The following DISC1 variants were observed in gnomAD, a reference collection of about 807,000 sequenced individuals.
DISC1 encodes disrupted in schizophrenia 1 protein.
In DISC1, 57 loss-of-function variants were observed where a neutral mutation model predicts 84.5. The ratio of observed to expected loss-of-function variants is 0.67; its 90% CI spans 0.55 to 0.84. DISC1 has a LOEUF of 0.84. Among genes scored for constraint, DISC1 ranks in the 40% least tolerant of loss-of-function variants. DISC1 has a pLI of 0.00. For synonymous variants in DISC1, 411 were observed against 415.2 expected (o/e 0.99, Z 0.12); for missense variants, 1,000 against 1,057.8 (o/e 0.95, Z 0.76).
At chr1:231,716,316 CAAA>C (rs397861600) in intron 3 of DISC1, among the ~76,000 whole-genome samples, 186 of 82,714 alleles carry the variant, frequency 2.2e-3, no homozygotes, top group East Asian at 0.011. Flanking sequence ...TTTCAATCTG[CAAA>C]AAAAAAAAAA....
At chr1:231,871,711 T>C (rs1233739450) in intron 9 of DISC1, among the ~76,000 whole-genome samples, 1 of 152,208 alleles carries the variant, frequency 6.6e-6, no homozygotes, top group Admixed American at 6.5e-5. Flanking sequence ...AGTGTGATTT[T>C]CCAGCAGTCT....
In DISC1 at chr1:231,968,618, A is replaced by T. The variant is rs1661449510; in HGVS notation, c.2042+9730A>T. On this transcript the variant is annotated intron_variant, in intron 10 of 12. Transcript: ENST00000439617. ...AAAAAAAAAAAAAAAAAGCAAAAACAAAAACAAAAAGCCCTCTCACACACA... is the reference window on the plus strand; with the variant it reads ...AAAAAAAAAAAAAAAAAGCAAAAACTAAAACAAAAAGCCCTCTCACACACA... Among the ~76,000 whole-genome samples, 10 of 151,506 alleles carry T rather than the reference A, an allele frequency of 6.6e-5. No individual in the cohort carries two copies. In the South Asian group the frequency reaches 2.1e-3, roughly 32 times the overall value.
intron 12 of DISC1, among the ~76,000 whole-genome samples, chr1:232,030,201 T>G (rs573260713): frequency 1.5e-4 from 23 of 152,342 alleles, no homozygotes; most frequent in Middle Eastern, 3.4e-3. Context: ...GAGTCTCTAG[T>G]GCATTTTCAC....
intron 3 of DISC1, among the ~76,000 whole-genome samples, chr1:231,720,276 G>A (rs547334176): frequency 1.3e-5 from 2 of 152,202 alleles, no homozygotes; most frequent in African/African-American, 4.8e-5. Flanking sequence ...TTCTGTCTTT[G>A]TAAGCTGTCT....
At position 231,848,894 on chromosome 1, in the gene DISC1, A is replaced by G. The variant is rs112204731; in HGVS notation, c.1981+30377A>G. Reference sequence around the variant, plus strand: ...GGATTACATTATATTCATACTCTGCAGTGTCTTGCACATAGAGGCCTTACT... The same window carrying G: ...GGATTACATTATATTCATACTCTGCGGTGTCTTGCACATAGAGGCCTTACT... On this transcript the variant is annotated intron_variant, in intron 9 of 12. Transcript: ENST00000439617. 7.1e-3 allele frequency among the ~76,000 whole-genome samples: 1,080 copies of G among 152,230 alleles called. 14 individuals carry two copies. The highest frequency in any genetic ancestry group is 0.024 in the African/African-American group (1,014 of 41,536).
intron 1 of DISC1, among the ~76,000 whole-genome samples, chr1:231,685,587 G>C (rs2064169704): frequency 6.6e-6 from 1 of 152,086 alleles, no homozygotes; most frequent in African/African-American, 2.4e-5. Flanking sequence ...CGAGTAGCTG[G>C]GACTGTAGGC....
At chr1:231,940,832 T>A (rs2091284895) in intron 9 of DISC1, 1 of 152,268 alleles carries the variant, frequency 6.6e-6, no homozygotes. Flanking sequence ...CATTTGCTGC[T>A]CCATGACGTT....
In DISC1 at chr1:231,657,153, G is replaced by A. The variant is rs558227571; in HGVS notation, c.67+30219G>A. The stretch of plus-strand genomic sequence containing the variant: ...TTATATTTTTTGGGGTGTATACCCC[G>A]TAATGGGATTGATGAGTCAAATGGT... On this transcript the variant is annotated intron_variant, in intron 1 of 12. Transcript: ENST00000439617. Among the ~76,000 whole-genome samples, 24 of 152,306 alleles carry A rather than the reference G, an allele frequency of 1.6e-4. No individual in the cohort carries two copies. In the South Asian group the frequency reaches 4.6e-3, roughly 29 times the overall value.
At chr1:232,005,390 G>C (rs1348052221) in intron 10 of DISC1, among the ~76,000 whole-genome samples, 1 of 152,068 alleles carries the variant, frequency 6.6e-6, no homozygotes, top group Non-Finnish European at 1.5e-5. Context: ...TTGTCTCCTA[G>C]CTTTCACCAC....
intron 9 of DISC1, among the ~76,000 whole-genome samples, chr1:231,951,049 G>C (rs918781114): frequency 6.6e-6 from 1 of 152,198 alleles, no homozygotes; most frequent in Non-Finnish European, 1.5e-5. Flanking sequence ...ACATAGTTCA[G>C]AATAATTGAT....
At chr1:231,973,351 T>C (rs1166770493) in intron 10 of DISC1, among the ~76,000 whole-genome samples, 2 of 152,230 alleles carry the variant, frequency 1.3e-5, no homozygotes, top group Admixed American at 6.5e-5. Flanking sequence ...CGGCCGCCAA[T>C]GTCTTGTTCT....
chr1:231,866,885 T>C (rs1352786559), intron 9 of DISC1, among the ~76,000 whole-genome samples: 1 of 152,220 alleles, frequency 6.6e-6, no homozygotes, highest in African/African-American at 2.4e-5. Flanking sequence ...TACCGTCTGC[T>C]CATCCTCTGC....
chr1:231,847,292 A>G (rs2083521049), intron 9 of DISC1, among the ~76,000 whole-genome samples: 1 of 151,982 alleles, frequency 6.6e-6, no homozygotes, highest in South Asian at 2.1e-4. Flanking sequence ...TTAGGGCTCA[A>G]CCTCTTGACC....
At chr1:231,968,212 C>A (rs1196287393) in intron 10 of DISC1, among the ~76,000 whole-genome samples, 1 of 152,102 alleles carries the variant, frequency 6.6e-6, no homozygotes, top group Non-Finnish European at 1.5e-5. Flanking sequence ...GTACTCAGAT[C>A]AATTCAAAAA....
chr1:231,722,950 A>G (rs2070050717), intron 3 of DISC1: 2 of 1,218,240 alleles, frequency 1.6e-6, no homozygotes, highest in Non-Finnish European at 2.1e-6. Context: ...GCAAATGGAA[A>G]AATATGCTAT....
At chr1:231,829,075 T>C (rs1406609641) in intron 9 of DISC1, among the ~76,000 whole-genome samples, 2 of 152,210 alleles carry the variant, frequency 1.3e-5, no homozygotes, top group Non-Finnish European at 2.9e-5. Flanking sequence ...TGTGACTTAC[T>C]TAACTACCTC....
intron 9 of DISC1, among the ~76,000 whole-genome samples, chr1:231,903,254 C>A (rs1245997090): frequency 6.6e-6 from 1 of 152,002 alleles, no homozygotes; most frequent in Non-Finnish European, 1.5e-5. Context: ...GGATACCAGT[C>A]ATCAGATTTA....
At chr1:231,802,282 C>T (rs1053370125) in intron 8 of DISC1, among the ~76,000 whole-genome samples, 5 of 152,038 alleles carry the variant, frequency 3.3e-5, no homozygotes, top group African/African-American at 7.2e-5. Context: ...ATGCTGTTTT[C>T]GTGATAGTGA....
At chr1:231,648,181 A>T (rs372428164) in intron 1 of DISC1, among the ~76,000 whole-genome samples, 1 of 152,188 alleles carries the variant, frequency 6.6e-6, no homozygotes, top group East Asian at 1.9e-4. Context: ...ATTCAGTGTG[A>T]TATTGGCTAT....
Sources: allele counts gnomAD v4.1 joint callset (sites outside exome capture counted in the v4.1 genomes callset), GRCh38; gene constraint gnomAD v4.1.1; transcripts MANE v1.5; gene names NCBI Gene and HGNC (gene_info 2026-07-23, HGNC 2026-07-21).